Variants in SVIL observed in about 807,000 individuals in gnomAD.
SVIL encodes the protein supervillin.
A neutral mutation model predicts 240.4 loss-of-function variants in SVIL; 101 were observed. That is an observed-to-expected ratio of 0.42 (90% CI 0.36 to 0.50). The LOEUF (loss-of-function observed/expected upper bound fraction) is 0.50. Among genes scored for constraint, SVIL ranks in the 20% least tolerant of loss-of-function variants. The pLI, the probability that SVIL is intolerant of heterozygous loss-of-function variation, is 0.01. For synonymous variants in SVIL, 999 were observed against 1,100.0 expected, an observed-to-expected ratio of 0.91 and a Z score of 1.82; for missense variants, 2,512 against 2,818.7, an observed-to-expected ratio of 0.89 and a Z score of 2.46.
At chr10:29,700,922 C>A (rs936464720) in intron 1 of SVIL, among the ~76,000 whole-genome samples, 5 of 152,158 alleles carry the variant, frequency 3.3e-5, no homozygotes, top group Non-Finnish European at 7.3e-5. Flanking sequence ...CAAGGCTCAC[C>A]TGACTGTTCT....
At position 29,476,070 on chromosome 10, in the gene SVIL, T is replaced by C. The variant is rs143791503; in HGVS notation, c.5378-2081A>G. Among the ~76,000 whole-genome samples, 321 of 152,336 alleles carry C rather than the reference T, an allele frequency of 2.1e-3. 1 individual carries two copies. Among genetic ancestry groups the C allele is most frequent in the African/African-American group, 7.4e-3 (309 of 41,572 alleles). ...GATCTCAACTGGTTAAGTTTGGGTG[T>C]TTTTGAGAGGGCAAAATAAAATAGG... On this transcript the variant is annotated intron_variant, in intron 29 of 37. Transcript: ENST00000355867.
In SVIL at chr10:29,523,775, A is replaced by G; in HGVS notation, c.2839T>C (p.Tyr947His). ...GSENKGMLRE[Y>H]GETESKRALT... ...GCTCTCTTGCTTTCTGTCTCTCCATATTCTCTCAACATTCCCTTGTTCTCG... is the reference window on the plus strand; with the variant it reads ...GCTCTCTTGCTTTCTGTCTCTCCATGTTCTCTCAACATTCCCTTGTTCTCG... Residue 947 changes from tyrosine (Y) to histidine (H), a missense_variant, in exon 15 of 38, where the codon TAT (tyrosine) becomes CAT (histidine). Tyr to His is a moderately conservative substitution (Grantham distance 83, BLOSUM62 2). Coordinates refer to ENST00000355867, the MANE Select transcript of SVIL (RefSeq NM_021738.3). The G allele has an allele frequency of 6.2e-7, 1 of 1,614,138 alleles. No homozygotes were observed. Among genetic ancestry groups the G allele is most frequent in the South Asian group, 1.1e-5 (1 of 91,088 alleles).
rs774975860 is a variant in SVIL, at chr10:29,473,843, C to A, written c.5524G>T (p.Ala1842Ser). Reference protein sequence around the residue: ...MTVELDEERGAQVQVLQGKEP... With the variant: ...MTVELDEERGSQVQVLQGKEP... ...CAGAGCTCCCCAGGACTCACCTGGG[C>A]CCCCCTTTCCTCGTCCAGCTCCACC... The change falls in exon 30 of 38, where the codon GCC becomes TCC. Residue 1842 changes from alanine (A) to serine (S), a missense_variant. Coordinates refer to ENST00000355867, the MANE Select transcript of SVIL (RefSeq NM_021738.3). 1.2e-6 allele frequency: 2 copies of A among 1,613,674 alleles called. No individual in the cohort carries two copies. Among genetic ancestry groups the A allele is most frequent in the Non-Finnish European group, 1.7e-6 (2 of 1,179,946 alleles).
Position 29,696,588 on chromosome 10 carries a change from G to A in SVIL, c.-399-9937C>T, listed in dbSNP as rs528071363. ...CAGCCCATCGTCTGAGATGTGGGGA[G>A]CGCCTCTGCCCCGCCGCCCCGTCTG... On this transcript the variant is annotated intron_variant, in intron 1 of 35. Coordinates refer to the SVIL transcript ENST00000375400. Among the ~76,000 whole-genome samples, 124 of 150,736 alleles carry A rather than the reference G, an allele frequency of 8.2e-4. 4 individuals are homozygous for A. The South Asian group carries it at 0.025, about 31-fold the overall frequency.
At chr10:29,470,524 G>T (rs1163625858) in intron 31 of SVIL, 41 bp from the exon 32 acceptor site, 1 of 1,609,352 alleles carries the variant, frequency 6.2e-7, no homozygotes, top group East Asian at 2.2e-5. Flanking sequence ...TAGCACGTGA[G>T]CGAGTGGCAG....
upstream of SVIL, among the ~76,000 whole-genome samples, chr10:29,635,901 G>T (rs538643833): frequency 2.6e-5 from 4 of 152,252 alleles, no homozygotes; most frequent in South Asian, 6.2e-4. Context: ...TGGGTGTCAG[G>T]GTTCTCAGAC....
chr10:29,607,225 T>C (rs1188493652), intron 1 of SVIL, among the ~76,000 whole-genome samples: 2 of 152,238 alleles, frequency 1.3e-5, no homozygotes, highest in Non-Finnish European at 2.9e-5. Context: ...TTCTCATATA[T>C]ATCTGGGACT....
At chr10:29,642,429 AAG>A (rs1958516060) in intron 3 of SVIL, among the ~76,000 whole-genome samples, 1 of 118,600 alleles carries the variant, frequency 8.4e-6, no homozygotes, top group African/African-American at 3.9e-5. Context: ...GAAAGAAAGA[AAG>A]AAAGAAAGAA....
intron 1 of SVIL, chr10:29,575,270 A>T (rs955891031): frequency 1.7e-5 from 3 of 180,102 alleles, no homozygotes; most frequent in African/African-American, 7.1e-5. Context: ...AGCATATTTG[A>T]TCTAAGTGTG....
At position 29,484,571 on chromosome 10, in the gene SVIL, G is replaced by C; in HGVS notation, c.4955+85C>G. 2.4e-6 allele frequency: 3 copies of C among 1,248,378 alleles called. No homozygotes were observed. Among genetic ancestry groups the C allele is most frequent in the Non-Finnish European group, 3.3e-6 (3 of 917,380 alleles). 77.3% of individuals were successfully genotyped at this position (1,248,378 alleles called of 1,614,324 possible). ...ATGAAAACTGAACCCTATAAAGAGC[G>C]AGAGTAGAGGACTGTGGTGAGAACA... On this transcript the variant is annotated intron_variant, in intron 27 of 37. Transcript: ENST00000355867. The surrounding 1 kb of genome is among the most constrained non-coding windows in gnomAD (Gnocchi z 4.7).
Position 29,486,099 on chromosome 10 carries a change from G to A in SVIL, c.4765C>T (p.Leu1589=). 1 of 1,614,242 alleles carries A rather than the reference G, an allele frequency of 6.2e-7. No individual in the cohort carries two copies. The highest frequency in any genetic ancestry group is 8.5e-7 in the Non-Finnish European group (1 of 1,180,046). The change falls in exon 26 of 38, where the codon CTG becomes TTG. Residue 1589 remains leucine, a synonymous_variant. Coordinates refer to ENST00000355867, the MANE Select transcript of SVIL (RefSeq NM_021738.3). ...YWGKIPKCSL[L]QPKEVLVFDF... ...ACGGACTGTACCTCTTTGGGTTGCA[G>A]AAGGGAGCACTTCGGAATTTTCCCC...
intron 2 of SVIL, among the ~76,000 whole-genome samples, chr10:29,681,386 A>T (rs1382511987): frequency 6.8e-6 from 1 of 146,622 alleles, no homozygotes; most frequent in Non-Finnish European, 1.5e-5. Flanking sequence ...CAAAGGCATG[A>T]TGACCTCTAA....
intron 1 of SVIL, among the ~76,000 whole-genome samples, chr10:29,632,854 C>A (rs1055146553): frequency 6.6e-6 from 1 of 152,134 alleles, no homozygotes. Flanking sequence ...CACACACACA[C>A]ACACACACAG....
chr10:29,564,807 A>G (rs1954830028), intron 2 of SVIL, among the ~76,000 whole-genome samples: 1 of 152,224 alleles, frequency 6.6e-6, no homozygotes, highest in South Asian at 2.1e-4. Flanking sequence ...ATTATGCTTC[A>G]TAAGCCACAC....
chr10:29,636,264 T>C (rs578179898), upstream of SVIL, among the ~76,000 whole-genome samples: 8 of 152,200 alleles, frequency 5.3e-5, no homozygotes, highest in Non-Finnish European at 8.8e-5. Flanking sequence ...TACGTATTTT[T>C]ATAAGCTGTG....
intron 3 of SVIL, among the ~76,000 whole-genome samples, chr10:29,559,869 TAATAGG>T (rs1954293012): frequency 1.3e-5 from 2 of 152,362 alleles, no homozygotes; most frequent in African/African-American, 4.8e-5. Context: ...TACAACCACC[TAATAGG>T]CTTTGCAATA....
chr10:29,711,657 G>A (rs1963295590), intron 1 of SVIL, among the ~76,000 whole-genome samples: 1 of 151,918 alleles, frequency 6.6e-6, no homozygotes, highest in Admixed American at 6.6e-5. Context: ...CTACTCAGGA[G>A]GCTGAGGCAC....
intron 2 of SVIL, among the ~76,000 whole-genome samples, chr10:29,683,213 T>C (rs1022246252): frequency 2.6e-5 from 4 of 152,186 alleles, no homozygotes; most frequent in Admixed American, 2.0e-4. Context: ...AAGATTTTCT[T>C]ATTGGAAATT....
At chr10:29,579,212 C>T (rs1402891535) in intron 1 of SVIL, among the ~76,000 whole-genome samples, 10 of 151,678 alleles carry the variant, frequency 6.6e-5, no homozygotes, top group African/African-American at 1.9e-4. Flanking sequence ...CCGAGGCGGG[C>T]GGATCATGAG....
Sources: allele counts gnomAD v4.1 joint callset (sites outside exome capture counted in the v4.1 genomes callset), GRCh38; gene constraint gnomAD v4.1.1; non-coding constraint Gnocchi (gnomAD v3.1); transcripts MANE v1.5; gene names NCBI Gene and HGNC (gene_info 2026-07-23, HGNC 2026-07-21).